The following CLECL1 variants were observed in gnomAD, a reference collection of about 807,000 sequenced individuals.
The protein encoded by CLECL1 is C-type lectin like 1.
chr12:9,714,838 T>A (rs1376164614), downstream of CLECL1, among the ~76,000 whole-genome samples: 1 of 152,198 alleles, frequency 6.6e-6, no homozygotes, highest in African/African-American at 2.4e-5. Flanking sequence ...CTTGGCTAAC[T>A]GCAAAAACAA....
downstream of CLECL1, among the ~76,000 whole-genome samples, chr12:9,717,833 T>C (rs1407177253): frequency 6.6e-6 from 1 of 152,156 alleles, no homozygotes; most frequent in Non-Finnish European, 1.5e-5. Context: ...TCTTCCATTC[T>C]GCTTGCTTTG....
chr12:9,733,908 C>T (rs980228170), upstream of CLECL1, among the ~76,000 whole-genome samples: 3 of 151,992 alleles, frequency 2.0e-5, no homozygotes, highest in Non-Finnish European at 4.4e-5. Flanking sequence ...CAACTAATTC[C>T]TGGAAAATGG....
At chr12:9,722,794 A>G (rs1866330739) in exon 4 of CLECL1, 2 of 1,607,994 alleles carry the variant, frequency 1.2e-6, no homozygotes, top group Non-Finnish European at 1.7e-6. Flanking sequence ...ATTTATGGAC[A>G]GTAGAAAAGT....
At chr12:9,728,127 G>A (rs1866401889) in intron 2 of CLECL1, among the ~76,000 whole-genome samples, 1 of 151,718 alleles carries the variant, frequency 6.6e-6, no homozygotes, top group Admixed American at 6.6e-5. Context: ...ATGAGATAGA[G>A]TTAGCCCAGA....
At chr12:9,722,709 T>C (rs376663808) in exon 4 of CLECL1, 1 of 1,614,048 alleles carries the variant, frequency 6.2e-7, no homozygotes, top group Non-Finnish European at 8.5e-7. Context: ...TTTTGACTTT[T>C]GTTCCAAGAT....
intron 3 of CLECL1, among the ~76,000 whole-genome samples, chr12:9,724,757 T>G (rs1203714184): frequency 6.7e-6 from 1 of 149,752 alleles, no homozygotes; most frequent in East Asian, 2.0e-4. Context: ...AAGAGAAAGA[T>G]TAGGGCAAAA....
At chr12:9,708,282 CT>C in the CLECL1 span, among the ~76,000 whole-genome samples, 1 of 152,108 alleles carries the variant, frequency 6.6e-6, no homozygotes, top group Non-Finnish European at 1.5e-5. Flanking sequence ...ATTTTTGCCC[CT>C]TAAGCTATTT....
upstream of CLECL1, chr12:9,733,129 C>G: frequency 1.2e-6 from 2 of 1,613,894 alleles, no homozygotes; most frequent in Non-Finnish European, 1.7e-6. Context: ...ATTGAGATGG[C>G]AAATTTCCTT....
At chr12:9,712,672 T>G (rs1261627437), downstream of CLECL1, among the ~76,000 whole-genome samples, 1 of 152,218 alleles carries the variant, frequency 6.6e-6, no homozygotes, top group Non-Finnish European at 1.5e-5. Flanking sequence ...AAATATGAGG[T>G]TATCTGTAGT....
the CLECL1 span, among the ~76,000 whole-genome samples, chr12:9,708,065 G>T: frequency 1.4e-4 from 21 of 152,152 alleles, 1 homozygote; most frequent in Non-Finnish European, 2.9e-5. Context: ...CAAAGGCCAA[G>T]TTCAGCAGCC....
At chr12:9,734,054 G>C (rs1251159928), upstream of CLECL1, among the ~76,000 whole-genome samples, 1 of 152,212 alleles carries the variant, frequency 6.6e-6, no homozygotes, top group Non-Finnish European at 1.5e-5. Context: ...TGTCAGATAT[G>C]AAAAATGGCA....
chr12:9,728,250 A>T (rs1866404750), intron 2 of CLECL1, among the ~76,000 whole-genome samples: 1 of 151,848 alleles, frequency 6.6e-6, no homozygotes. Context: ...ATTAGTATTG[A>T]CCATCTAAAA....
At chr12:9,733,147 C>T (rs1270180311), upstream of CLECL1, 2 of 1,614,080 alleles carry the variant, frequency 1.2e-6, no homozygotes, top group Admixed American at 3.3e-5. Context: ...CTTCTGCTCC[C>T]CAAGTGGGTG....
At chr12:9,716,642 G>C in exon 3 of CLECL1, 1 of 389,090 alleles carries the variant, frequency 2.6e-6, no homozygotes, top group Non-Finnish European at 3.9e-6. Context: ...TATCAAACAA[G>C]AGCTTTGTTC....
chr12:9,705,716 G>T, the CLECL1 span, among the ~76,000 whole-genome samples: 2 of 152,084 alleles, frequency 1.3e-5, no homozygotes, highest in East Asian at 3.9e-4. Context: ...GTAGGTGTGT[G>T]GTCTTATTTC....
chr12:9,706,938 C>G, the CLECL1 span, among the ~76,000 whole-genome samples: 2 of 152,142 alleles, frequency 1.3e-5, no homozygotes, highest in Admixed American at 1.3e-4. Context: ...ACCAGCTTTT[C>G]TTTATACATC....
chr12:9,713,746 T>A (rs762103510), downstream of CLECL1, among the ~76,000 whole-genome samples: 153 of 152,288 alleles, frequency 1.0e-3, no homozygotes, highest in African/African-American at 3.4e-3. Flanking sequence ...AGCGACAAAG[T>A]TTTTTACCAT....
At chr12:9,708,228 C>A in the CLECL1 span, among the ~76,000 whole-genome samples, 1 of 152,238 alleles carries the variant, frequency 6.6e-6, no homozygotes, top group Non-Finnish European at 1.5e-5. Context: ...ATTAGGAGGG[C>A]CCACTTGCAC....
the CLECL1 span, among the ~76,000 whole-genome samples, chr12:9,702,497 A>AG: frequency 2.5e-4 from 38 of 152,220 alleles, no homozygotes; most frequent in African/African-American, 8.4e-4. Context: ...GCAACATGTG[A>AG]GTGGGAAAGC....
Sources: gnomAD v4.1 joint callset for allele counts (sites outside exome capture counted in the v4.1 genomes callset) on GRCh38, gnomAD v4.1.1 for gene constraint, MANE v1.5 for transcripts, NCBI Gene and HGNC (gene_info 2026-07-23, HGNC 2026-07-21) for gene names.